Variants in ANKRD10 observed in about 807,000 individuals in gnomAD.
ANKRD10 encodes the protein ankyrin repeat domain 10, also known as ankyrin repeat domain-containing protein 10.
A neutral mutation model predicts 27.0 loss-of-function variants in ANKRD10; 14 were observed. The ratio of observed to expected loss-of-function variants is 0.52; its 90% CI spans 0.34 to 0.81. The LOEUF (loss-of-function observed/expected upper bound fraction) is 0.81. Ranked by LOEUF, ANKRD10 falls within the 40% of genes least tolerant of loss-of-function variation. The pLI is 0.01. For missense variants in ANKRD10, 493 were observed against 544.0 expected, an observed-to-expected ratio of 0.91 and a Z score of 0.93; for synonymous variants, 250 against 224.5, an observed-to-expected ratio of 1.11 and a Z score of -1.01.
chr13:110,897,562 T>C (rs2065262597), intron 3 of ANKRD10, among the ~76,000 whole-genome samples: 1 of 152,166 alleles, frequency 6.6e-6, no homozygotes, highest in African/African-American at 2.4e-5. Flanking sequence ...AATGGCCAAA[T>C]AGTATTCCAC....
At chr13:110,885,743 C>T (rs565423050) in intron 4 of ANKRD10, among the ~76,000 whole-genome samples, 1 of 140,546 alleles carries the variant, frequency 7.1e-6, no homozygotes, top group East Asian at 1.9e-4. Flanking sequence ...AAGCCACACA[C>T]GAACACGGTT....
intron 1 of ANKRD10, 120 bp from the exon 2 acceptor site, chr13:110,910,890 A>G (rs995034248): frequency 9.5e-7 from 1 of 1,050,136 alleles, no homozygotes; most frequent in African/African-American, 1.6e-5. Context: ...TTTTTAACAG[A>G]TTAAGTCACT....
At chr13:110,891,740 C>T (rs769092088) in intron 4 of ANKRD10, among the ~76,000 whole-genome samples, 2 of 151,968 alleles carry the variant, frequency 1.3e-5, no homozygotes, top group South Asian at 2.1e-4. Flanking sequence ...TTTAAACCAA[C>T]GGGCAAAACT....
chr13:110,899,744 T>C (rs1167722214), intron 3 of ANKRD10, among the ~76,000 whole-genome samples: 2 of 152,086 alleles, frequency 1.3e-5, no homozygotes, highest in Non-Finnish European at 2.9e-5. Flanking sequence ...TTCTCTCTAC[T>C]ATTCTTTCAA....
At chr13:110,904,081 G>A (rs574100559) in intron 3 of ANKRD10, 4 of 152,056 alleles carry the variant, frequency 2.6e-5, no homozygotes, top group Non-Finnish European at 5.9e-5. Flanking sequence ...ATTTTATCTC[G>A]ATGTTAAAAC....
In ANKRD10 at chr13:110,879,862, A is replaced by C; in HGVS notation, c.1038T>G (p.Gly346=). The change falls in exon 6 of 6, where the codon GGT becomes GGG. Residue 346 remains glycine (G), a synonymous_variant. Transcript: ENST00000267339. The part of the protein sequence containing the change: ...KTLRANPELC[G]SLHLNGSPSS... ...TTGGACTCCCGTTCAGGTGCAGAGA[A>C]CCGCACAACTCAGGGTTAGCTCTCA... 1 of 1,614,224 alleles carries C rather than the reference A, an allele frequency of 6.2e-7. No individual in the cohort carries two copies. The highest frequency in any genetic ancestry group is 8.5e-7 in the Non-Finnish European group (1 of 1,180,046).
intron 2 of ANKRD10, among the ~76,000 whole-genome samples, chr13:110,908,621 A>C (rs549992553): frequency 6.6e-6 from 1 of 152,338 alleles, no homozygotes; most frequent in East Asian, 1.9e-4. Context: ...TCCTGAGTTT[A>C]TATGAGAAAT....
chr13:110,888,172 G>C (rs898778542), intron 4 of ANKRD10, among the ~76,000 whole-genome samples: 1 of 151,130 alleles, frequency 6.6e-6, no homozygotes, highest in Admixed American at 6.6e-5. Context: ...TGGAAAGACC[G>C]GGGGGGACTG....
At position 110,892,950 on chromosome 13, in the gene ANKRD10, T is replaced by C; in HGVS notation, c.691+78A>G. On this transcript the variant is annotated intron_variant, in intron 4 of 5. Coordinates refer to ENST00000267339, the MANE Select transcript of ANKRD10 (RefSeq NM_017664.4). ...TGAAGTGAAGGTCTCATCTCGAAGG[T>C]GCGCTCAGCCATAAAAAGAAAACAT... The C allele has an allele frequency of 1.9e-6, 3 of 1,557,750 alleles. No individual in the cohort carries two copies. The South Asian group carries it at 3.7e-5, about 19-fold the overall frequency.
intron 2 of ANKRD10, among the ~76,000 whole-genome samples, chr13:110,906,703 A>G (rs1384032321): frequency 2.0e-5 from 3 of 152,154 alleles, no homozygotes; most frequent in African/African-American, 7.2e-5. Context: ...TAGAGGGAAT[A>G]TTTACTAAAT....
intron 3 of ANKRD10, chr13:110,900,574 T>C: frequency 2.2e-6 from 3 of 1,351,304 alleles, no homozygotes; most frequent in Non-Finnish European, 2.9e-6. Flanking sequence ...ATACTGAACA[T>C]TCAATGCCAC....
At chr13:110,904,594 T>C (rs2065475796) in intron 3 of ANKRD10, among the ~76,000 whole-genome samples, 1 of 152,240 alleles carries the variant, frequency 6.6e-6, no homozygotes, top group Admixed American at 6.5e-5. Flanking sequence ...CTCCGTATTT[T>C]ATAATGAAAG....
At chr13:110,910,883 T>C in intron 1 of ANKRD10, 113 bp from the exon 2 acceptor site, 2 of 1,132,034 alleles carry the variant, frequency 1.8e-6, no homozygotes, top group Non-Finnish European at 1.2e-6. Flanking sequence ...TACCAGTTTT[T>C]TAACAGATTA....
chr13:110,909,831 G>C (rs2065644039), intron 2 of ANKRD10, among the ~76,000 whole-genome samples: 1 of 152,170 alleles, frequency 6.6e-6, no homozygotes, highest in Non-Finnish European at 1.5e-5. Context: ...CCAAGACCTT[G>C]ATGACTATAA....
chr13:110,880,947 C>G (rs760815775), intron 5 of ANKRD10, among the ~76,000 whole-genome samples: 1 of 150,982 alleles, frequency 6.6e-6, no homozygotes, highest in Non-Finnish European at 1.5e-5. Context: ...CTTTCAAAAA[C>G]CACCTTTGCT....
At chr13:110,900,714 G>T in intron 3 of ANKRD10, 1 of 1,339,472 alleles carries the variant, frequency 7.5e-7, no homozygotes, top group Non-Finnish European at 9.9e-7. Context: ...ATTGACATGT[G>T]TAGTTTTTAC....
intron 4 of ANKRD10, among the ~76,000 whole-genome samples, chr13:110,891,427 G>A (rs1373823383): frequency 6.6e-6 from 1 of 152,116 alleles, no homozygotes; most frequent in Non-Finnish European, 1.5e-5. Flanking sequence ...TATGATTTTA[G>A]CATCTTTCCA....
chr13:110,882,050 A>T (rs1370182384), intron 5 of ANKRD10, among the ~76,000 whole-genome samples: 1 of 152,150 alleles, frequency 6.6e-6, no homozygotes, highest in Non-Finnish European at 1.5e-5. Context: ...ATGAGGTTTC[A>T]GACAAGATCC....
chr13:110,884,397 G>A (rs188970122), intron 4 of ANKRD10, among the ~76,000 whole-genome samples: 97 of 152,238 alleles, frequency 6.4e-4, no homozygotes, highest in African/African-American at 2.3e-3. Flanking sequence ...TCTCTGTACT[G>A]TGGAGATGCG....
Sources: allele counts gnomAD v4.1 joint callset (sites outside exome capture counted in the v4.1 genomes callset), GRCh38; gene constraint gnomAD v4.1.1; transcripts MANE v1.5; gene names NCBI Gene and HGNC (gene_info 2026-07-23, HGNC 2026-07-21).